ESRRG: variants seen among roughly 807,000 people sequenced by gnomAD.
ESRRG encodes estrogen-related receptor gamma.
ESRRG carries 13 observed loss-of-function variants against 44.0 expected under a neutral mutation model. The ratio of observed to expected loss-of-function variants is 0.30; its 90% confidence interval spans 0.19 to 0.47. ESRRG has a LOEUF of 0.47. ESRRG is among the 20% of genes least tolerant of loss of function. The pLI, the probability that ESRRG is intolerant of heterozygous loss-of-function variation, is 1.00. For synonymous variants in ESRRG, 215 were observed against 214.6 expected (o/e 1.00, Z -0.02); for missense variants, 395 against 580.6 (o/e 0.68, Z 3.29).
intron 2 of ESRRG, among the ~76,000 whole-genome samples, chr1:216,875,546 A>G (rs1048697428): frequency 5.3e-5 from 8 of 152,164 alleles, no homozygotes; most frequent in African/African-American, 1.9e-4. Flanking sequence ...CTAAGGTTAC[A>G]TTTGTGAGAT....
At chr1:217,130,666 TTTGA>T (rs1442928812) in intron 1 of ESRRG, among the ~76,000 whole-genome samples, 1 of 152,216 alleles carries the variant, frequency 6.6e-6, no homozygotes, top group Non-Finnish European at 1.5e-5. Flanking sequence ...CATTAAAATG[TTTGA>T]TTAAAAATAA....
chr1:217,116,528 A>G (rs2092730767), intron 1 of ESRRG, among the ~76,000 whole-genome samples: 1 of 152,222 alleles, frequency 6.6e-6, no homozygotes, highest in Non-Finnish European at 1.5e-5. Flanking sequence ...GCAGTTTCCC[A>G]TAATCCTTCA....
chr1:216,868,233 ATGC>A (rs2096204783), intron 2 of ESRRG, among the ~76,000 whole-genome samples: 4 of 151,832 alleles, frequency 2.6e-5, no homozygotes, highest in African/African-American at 9.7e-5. Context: ...GATTACAGGC[ATGC>A]GCCACCATGC....
At chr1:216,510,370 A>T in intron 6 of ESRRG, among the ~76,000 whole-genome samples, 1 of 152,210 alleles carries the variant, frequency 6.6e-6, no homozygotes, top group Admixed American at 6.5e-5. Flanking sequence ...TAAGTCTAAC[A>T]CCTAATAATA....
At chr1:216,635,579 A>G (rs528147346) in intron 3 of ESRRG, among the ~76,000 whole-genome samples, 19 of 152,244 alleles carry the variant, frequency 1.2e-4, no homozygotes, top group African/African-American at 4.6e-4. Flanking sequence ...TCCGGATGAG[A>G]AGTGATTCCA....
chr1:216,639,971 T>C (rs2066063559), intron 3 of ESRRG, among the ~76,000 whole-genome samples: 2 of 152,294 alleles, frequency 1.3e-5, no homozygotes, highest in South Asian at 4.1e-4. Context: ...TCCATATCAC[T>C]CTCTTCTAAT....
At chr1:216,651,150 C>T in intron 2 of ESRRG, 61 bp from the exon 3 acceptor site, 1 of 1,080,288 alleles carries the variant, frequency 9.3e-7, no homozygotes. Context: ...CATTAGCTTC[C>T]CAAAGGCAAT....
At chr1:216,961,241 C>A (rs906064893) in intron 1 of ESRRG, among the ~76,000 whole-genome samples, 2 of 152,248 alleles carry the variant, frequency 1.3e-5, no homozygotes, top group East Asian at 3.9e-4. Context: ...TTATACCACA[C>A]AAAACAAATT....
chr1:217,101,910 G>T (rs2092518927), intron 1 of ESRRG, among the ~76,000 whole-genome samples: 1 of 152,144 alleles, frequency 6.6e-6, no homozygotes, highest in African/African-American at 2.4e-5. Context: ...AGGTTCAAGT[G>T]ATTCTCCTGC....
intron 6 of ESRRG, among the ~76,000 whole-genome samples, chr1:216,511,842 G>A (rs1250038440): frequency 6.6e-6 from 1 of 151,716 alleles, no homozygotes; most frequent in Non-Finnish European, 1.5e-5. Flanking sequence ...GGGACAATTT[G>A]GGCTTCAAAA....
intron 2 of ESRRG, among the ~76,000 whole-genome samples, chr1:216,758,227 C>T (rs1433599535): frequency 6.6e-6 from 1 of 152,018 alleles, no homozygotes; most frequent in African/African-American, 2.4e-5. Flanking sequence ...TATGAGTTTT[C>T]TTTTTCAGTC....
At chr1:216,930,128 C>A (rs75369606) in intron 2 of ESRRG, among the ~76,000 whole-genome samples, 6 of 152,256 alleles carry the variant, frequency 3.9e-5, no homozygotes, top group Admixed American at 6.5e-5. Context: ...CTTTGAAGAA[C>A]CTTTCTCTGA....
intron 2 of ESRRG, among the ~76,000 whole-genome samples, chr1:216,799,610 G>C (rs2094561303): frequency 6.6e-6 from 1 of 152,128 alleles, no homozygotes; most frequent in Admixed American, 6.6e-5. Flanking sequence ...GGACTGGAAA[G>C]AATGTATACG....
intron 2 of ESRRG, among the ~76,000 whole-genome samples, chr1:216,808,623 C>T (rs181700945): frequency 1.5e-4 from 23 of 152,100 alleles, no homozygotes; most frequent in Non-Finnish European, 7.4e-5. Context: ...GGGGTTTTGC[C>T]ATGTTGCCCA....
intron 1 of ESRRG, among the ~76,000 whole-genome samples, chr1:216,680,992 C>T (rs1365949883): frequency 6.6e-6 from 1 of 151,784 alleles, no homozygotes; most frequent in Non-Finnish European, 1.5e-5. Context: ...AGAGAATAAG[C>T]CCAATTCCAC....
At chr1:217,083,069 T>C (rs6657846) in intron 1 of ESRRG, among the ~76,000 whole-genome samples, 24,758 of 152,208 alleles carry the variant, frequency 0.16, 2,319 homozygotes, top group Admixed American at 0.22. Context: ...ATTATGCTTA[T>C]CACTTGTATC....
chr1:216,709,204 TA>T (rs2083070970), intron 1 of ESRRG, among the ~76,000 whole-genome samples: 2 of 151,990 alleles, frequency 1.3e-5, no homozygotes, highest in African/African-American at 4.8e-5. Context: ...TCCCAGAACT[TA>T]AAGTATAATT....
At chr1:216,816,361 C>T (rs1354209116) in intron 2 of ESRRG, among the ~76,000 whole-genome samples, 1 of 151,966 alleles carries the variant, frequency 6.6e-6, no homozygotes, top group African/African-American at 2.4e-5. Flanking sequence ...TTTAACCATC[C>T]CACAATGTAC....
chr1:217,095,046 GTGTGTGTA>G (rs2092402791), intron 1 of ESRRG, among the ~76,000 whole-genome samples: 1 of 139,080 alleles, frequency 7.2e-6, no homozygotes, highest in Non-Finnish European at 1.6e-5. Flanking sequence ...GTGTGTGTAT[GTGTGTGTA>G]TTGTTCTCAA....
Sources: allele counts gnomAD v4.1 joint callset (sites outside exome capture counted in the v4.1 genomes callset), GRCh38; gene constraint gnomAD v4.1.1; transcripts MANE v1.5; gene names NCBI Gene and HGNC (gene_info 2026-07-23, HGNC 2026-07-21).